CRB1: variants seen among roughly 807,000 people sequenced by gnomAD.
CRB1 encodes the protein protein crumbs homolog 1.
In CRB1, 83 loss-of-function variants were observed where a neutral mutation model predicts 120.0. The ratio of observed to expected loss-of-function variants is 0.69; its 90% CI spans 0.58 to 0.83. The LOEUF is 0.83. Ranked by LOEUF, CRB1 falls within the 40% of genes least tolerant of loss-of-function variation. CRB1 has a pLI of 0.00. For missense variants in CRB1, 1,699 were observed against 1,687.6 expected (o/e 1.01, Z -0.12); for synonymous variants, 625 against 612.5 (o/e 1.02, Z -0.30).
At chr1:197,260,136 C>G in the CRB1 span, among the ~76,000 whole-genome samples, 1 of 151,164 alleles carries the variant, frequency 6.6e-6, no homozygotes, top group East Asian at 1.9e-4. Context: ...GGCTGGGTGA[C>G]AGAGTGAGAC....
upstream of CRB1, among the ~76,000 whole-genome samples, chr1:197,265,602 G>T (rs546485644): frequency 5.3e-5 from 8 of 152,250 alleles, no homozygotes; most frequent in African/African-American, 1.4e-4. Context: ...GGGAAGGATG[G>T]TTTTTGCTGT....
intron 1 of CRB1, among the ~76,000 whole-genome samples, chr1:197,323,147 G>C (rs1658299690): frequency 2.0e-5 from 3 of 151,978 alleles, no homozygotes; most frequent in Admixed American, 2.0e-4. Flanking sequence ...ATACTATTTT[G>C]ATGTACAGTG....
the CRB1 span, among the ~76,000 whole-genome samples, chr1:197,221,083 G>A: frequency 1.3e-5 from 2 of 152,214 alleles, no homozygotes; most frequent in South Asian, 4.1e-4. Context: ...TACGATACTT[G>A]TGTTTTGCCT....
intron 5 of CRB1, among the ~76,000 whole-genome samples, chr1:197,384,496 C>G (rs1662115538): frequency 6.6e-6 from 1 of 152,154 alleles, no homozygotes; most frequent in Non-Finnish European, 1.5e-5. Context: ...AGACCCTTGT[C>G]TTAATTCTAA....
At chr1:197,224,819 A>G in the CRB1 span, among the ~76,000 whole-genome samples, 1 of 152,034 alleles carries the variant, frequency 6.6e-6, no homozygotes. Context: ...ATTTTATTAG[A>G]CTTTATACTC....
At chr1:197,309,670 C>T (rs1657397360) in intron 1 of CRB1, among the ~76,000 whole-genome samples, 1 of 151,920 alleles carries the variant, frequency 6.6e-6, no homozygotes, top group African/African-American at 2.4e-5. Context: ...AGGAGAATGG[C>T]ATGAACCCGG....
intron 5 of CRB1, among the ~76,000 whole-genome samples, chr1:197,377,550 G>A (rs573852444): frequency 4.1e-4 from 63 of 152,240 alleles, no homozygotes; most frequent in African/African-American, 1.3e-3. Flanking sequence ...CAGAATTCTT[G>A]CTCTAATTAT....
upstream of CRB1, among the ~76,000 whole-genome samples, chr1:197,264,063 G>C (rs1417829888): frequency 6.6e-6 from 1 of 152,110 alleles, no homozygotes; most frequent in East Asian, 1.9e-4. Context: ...TAGGCTTTTA[G>C]TGTATCCATC....
chr1:197,327,107 A>C lies in CRB1; in HGVS notation c.71-1315A>C, dbSNP rs75739642. ...CTCACACACCAAAAAAAAAAAAAAA[A>C]AAAAAAAAAAAAAAAAAAAAAAAAA... On this transcript the variant is annotated intron_variant, in intron 1 of 11. Transcript: ENST00000367400. Among the ~76,000 whole-genome samples the C allele has an allele frequency of 1.2e-3, 133 of 115,016 alleles. 1 individual carries two copies. The highest frequency in any genetic ancestry group is 2.1e-3 in the African/African-American group (73 of 34,556). The allele number at this position is 115,016 out of a possible 152,430, so 75.5% of individuals were successfully genotyped here.
At chr1:197,330,947 C>T (rs1192832929) in intron 2 of CRB1, among the ~76,000 whole-genome samples, 2 of 152,258 alleles carry the variant, frequency 1.3e-5, no homozygotes, top group East Asian at 3.9e-4. Flanking sequence ...GTAATCCCAG[C>T]ACTTTGGGAG....
At chr1:197,389,227 G>A (rs1408892912) in intron 5 of CRB1, among the ~76,000 whole-genome samples, 1 of 152,066 alleles carries the variant, frequency 6.6e-6, no homozygotes, top group Admixed American at 6.6e-5. Flanking sequence ...AAGAGGGGCA[G>A]CATTATTCAC....
At chr1:197,451,867 A>G (rs1365448717) in intron 11 of CRB1, among the ~76,000 whole-genome samples, 1 of 152,240 alleles carries the variant, frequency 6.6e-6, no homozygotes, top group Non-Finnish European at 1.5e-5. Flanking sequence ...GATTAAGTGA[A>G]TGCTATTTCC....
chr1:197,388,476 T>A (rs1266872329), intron 5 of CRB1, among the ~76,000 whole-genome samples: 7 of 152,106 alleles, frequency 4.6e-5, no homozygotes. Context: ...TCATCAAGTT[T>A]CCTCTTCACT....
chr1:197,366,151 T>C (rs891008453), intron 5 of CRB1, among the ~76,000 whole-genome samples: 1 of 152,134 alleles, frequency 6.6e-6, no homozygotes, highest in Non-Finnish European at 1.5e-5. Flanking sequence ...TCAATGACTA[T>C]ATTTATAATT....
chr1:197,425,462 G>A (rs1664533622), intron 6 of CRB1, among the ~76,000 whole-genome samples: 1 of 152,134 alleles, frequency 6.6e-6, no homozygotes, highest in African/African-American at 2.4e-5. Context: ...CTTCAGCTGG[G>A]CCATATGATG....
Position 197,427,312 on chromosome 1 carries a change from C to T in CRB1, c.2129-142C>T, listed in dbSNP as rs114596158. On this transcript the variant is annotated intron_variant, in intron 6 of 11. Coordinates refer to ENST00000367400, the MANE Select transcript of CRB1 (RefSeq NM_201253.3). ...TTCTATTTAATAAACCTGTCCTGAACTTTAAAAGCTATGTATGAGTGTGTA... is the reference window on the plus strand; with the variant it reads ...TTCTATTTAATAAACCTGTCCTGAATTTTAAAAGCTATGTATGAGTGTGTA... The T allele has an allele frequency of 4.0e-3, 2,729 of 679,966 alleles. 75 individuals carry two copies. In the African/African-American group the frequency reaches 0.044, roughly 11 times the overall value. 42.1% of individuals were successfully genotyped at this position (679,966 alleles called of 1,614,324 possible).
chr1:197,417,782 C>T (rs2125461963), intron 5 of CRB1, among the ~76,000 whole-genome samples: 1 of 152,150 alleles, frequency 6.6e-6, no homozygotes, highest in Admixed American at 6.5e-5. Flanking sequence ...TTTTTTGCCA[C>T]CAAGTTCAGT....
At chr1:197,388,654 T>C (rs1319535659) in intron 5 of CRB1, among the ~76,000 whole-genome samples, 1 of 152,104 alleles carries the variant, frequency 6.6e-6, no homozygotes, top group Non-Finnish European at 1.5e-5. Context: ...ATGGAAGAGT[T>C]TATAATCTAA....
intron 5 of CRB1, among the ~76,000 whole-genome samples, chr1:197,382,494 A>C (rs1393070653): frequency 2.0e-5 from 3 of 152,238 alleles, no homozygotes; most frequent in African/African-American, 7.2e-5. Context: ...TTATTTATTT[A>C]CTGATAAGAA....
Sources: allele counts gnomAD v4.1 joint callset (sites outside exome capture counted in the v4.1 genomes callset), GRCh38; gene constraint gnomAD v4.1.1; transcripts MANE v1.5; gene names NCBI Gene and HGNC (gene_info 2026-07-23, HGNC 2026-07-21).